TNRC6C: variants seen among roughly 807,000 people sequenced by gnomAD.
The protein encoded by TNRC6C is trinucleotide repeat containing adaptor 6C, also known as trinucleotide repeat-containing gene 6C protein.
Under a neutral mutation model 153.7 loss-of-function variants are expected in TNRC6C, and 20 were observed. The ratio of observed to expected loss-of-function variants is 0.13; its 90% CI spans 0.09 to 0.19. The LOEUF (loss-of-function observed/expected upper bound fraction) is 0.19, where lower values mean the gene tolerates loss of function less well. Among genes scored for constraint, TNRC6C ranks in the 10% least tolerant of loss-of-function variants. The pLI is 1.00. For missense variants in TNRC6C, 1,987 were observed against 2,172.0 expected, an observed-to-expected ratio of 0.91 and a Z score of 1.69; for synonymous variants, 811 against 841.4, an observed-to-expected ratio of 0.96 and a Z score of 0.63.
At chr17:78,039,007 C>T (rs774705778) in intron 2 of TNRC6C, among the ~76,000 whole-genome samples, 4 of 152,038 alleles carry the variant, frequency 2.6e-5, no homozygotes, top group Non-Finnish European at 5.9e-5. Flanking sequence ...GGTAATATGA[C>T]GTAGTACATC....
In TNRC6C at chr17:78,086,965, C is replaced by G. The variant is rs746729729; in HGVS notation, c.3674C>G (p.Ser1225Cys). The change falls in exon 13 of 20, where the codon TCT (serine) becomes TGT (cysteine). Residue 1225 changes from serine (S) to cysteine (C), a missense_variant. This residue lies in a region of TNRC6C where 765 missense variants were observed against 908.6 expected (regional missense o/e 0.84). Transcript: ENST00000301624. ...CCGCCACCGCCCCCGCCGCACCTGT[C>G]TCTGCACCCCTCTGCAGGCAAATCG... The G allele has an allele frequency of 6.8e-6, 11 of 1,613,742 alleles. No individual in the cohort carries two copies. The Middle Eastern group carries it at 4.9e-4, about 73-fold the overall frequency.
rs1176763703 is a variant in TNRC6C at position 78,050,560 on chromosome 17, A to G, written c.1498A>G (p.Ser500Gly). 3.1e-6 allele frequency: 5 copies of G among 1,612,662 alleles called. No homozygotes were observed. In the East Asian group the frequency reaches 8.9e-5, roughly 29 times the overall value. ...GAAGAACGATGGGTCCATCATGAAC[A>G]GTACAAATACCTCTTCAGTATCTGG... The change falls in exon 3 of 20, where the codon AGT becomes GGT. Residue 500 changes from serine (S) to glycine (G), a missense_variant. Ser to Gly is a moderately conservative substitution (Grantham distance 56). Around this residue, in one of 4 missense-constraint regions of TNRC6C, gnomAD observed 1,052 missense variants for 1,017.0 expected, o/e 1.03. Coordinates refer to ENST00000301624, the Ensembl canonical transcript of TNRC6C.
intron 1 of TNRC6C, among the ~76,000 whole-genome samples, chr17:78,007,523 A>T (rs961986871): frequency 1.3e-5 from 2 of 152,232 alleles, no homozygotes; most frequent in Non-Finnish European, 2.9e-5. Context: ...TTATAGTACT[A>T]GTATTAGTGT....
intron 1 of TNRC6C, among the ~76,000 whole-genome samples, chr17:77,973,886 A>G (rs967611167): frequency 1.3e-4 from 20 of 152,328 alleles, no homozygotes; most frequent in African/African-American, 3.6e-4. Context: ...GGAAAACACA[A>G]TATTGTTAAT....
chr17:77,961,174 T>G (rs1327059162), intron 1 of TNRC6C, among the ~76,000 whole-genome samples: 4 of 151,462 alleles, frequency 2.6e-5, no homozygotes, highest in Non-Finnish European at 5.9e-5. Flanking sequence ...TTTTTTTTTT[T>G]GAGACAGTTT....
At chr17:78,106,130 G>C (rs2073689672) in exon 20 of TNRC6C, 1 of 151,888 alleles carries the variant, frequency 6.6e-6, no homozygotes, top group Non-Finnish European at 1.5e-5. Context: ...GGAAGGAACA[G>C]AAACAAGCAC....
chr17:78,076,864 T>G (rs912336450), intron 8 of TNRC6C, among the ~76,000 whole-genome samples: 1 of 152,208 alleles, frequency 6.6e-6, no homozygotes, highest in African/African-American at 2.4e-5. Flanking sequence ...AAAGAATCTG[T>G]TTATTTGAAA....
At chr17:78,045,517 A>G (rs1328760303) in intron 2 of TNRC6C, among the ~76,000 whole-genome samples, 2 of 152,178 alleles carry the variant, frequency 1.3e-5, no homozygotes, top group Non-Finnish European at 2.9e-5. Context: ...TGGTTCCCTC[A>G]GAAGATGGAC....
chr17:77,978,761 C>T lies in TNRC6C; in HGVS notation c.-38+19493C>T, dbSNP rs182183844. On this transcript the variant is annotated intron_variant, in intron 1 of 22. Transcript: ENST00000636222. ...CATCCCAGGCTTTTGGTTGGAACCACCCTTCTTACCCCCTAAAAACCCCAA... is the reference window on the plus strand; with the variant it reads ...CATCCCAGGCTTTTGGTTGGAACCATCCTTCTTACCCCCTAAAAACCCCAA... Among the ~76,000 whole-genome samples the T allele has an allele frequency of 1.3e-3, 198 of 152,262 alleles. 1 individual carries two copies. Among genetic ancestry groups the T allele is most frequent in the African/African-American group, 4.5e-3 (187 of 41,540 alleles).
chr17:78,055,501 G>C (rs967609610), intron 3 of TNRC6C, among the ~76,000 whole-genome samples: 11 of 152,212 alleles, frequency 7.2e-5, no homozygotes, highest in Admixed American at 2.0e-4. Context: ...GCTACATTAT[G>C]ATGGGTATGG....
At chr17:77,958,499 C>A (rs1425826100), upstream of TNRC6C, among the ~76,000 whole-genome samples, 1 of 151,670 alleles carries the variant, frequency 6.6e-6, no homozygotes, top group Admixed American at 6.6e-5. Flanking sequence ...GTGGCCTGGC[C>A]GAGGAGCCAA....
At chr17:77,989,493 T>C (rs988181758) in intron 1 of TNRC6C, among the ~76,000 whole-genome samples, 1 of 152,200 alleles carries the variant, frequency 6.6e-6, no homozygotes, top group Admixed American at 6.5e-5. Flanking sequence ...AATTCATCAT[T>C]TGGGAAATCT....
At chr17:78,077,680 C>G (rs780659436) in intron 9 of TNRC6C, 1 of 248,386 alleles carries the variant, frequency 4.0e-6, no homozygotes, top group Non-Finnish European at 7.7e-6. Flanking sequence ...ACCCTCTTTC[C>G]TCATGGCAAC....
chr17:78,043,504 CA>C, intron 2 of TNRC6C, among the ~76,000 whole-genome samples: 1 of 152,184 alleles, frequency 6.6e-6, no homozygotes, highest in South Asian at 2.1e-4. Context: ...TACAGGCATG[CA>C]ATGTGTAATA....
chr17:78,091,417 C>G (rs1443267786), intron 13 of TNRC6C, 23 bp from the exon 16 acceptor site: 1 of 1,562,894 alleles, frequency 6.4e-7, no homozygotes, highest in Non-Finnish European at 8.7e-7. Context: ...GCAGGCGAAT[C>G]CTAACCGCAT....
At chr17:77,997,083 C>T (rs1337716395) in intron 1 of TNRC6C, among the ~76,000 whole-genome samples, 1 of 152,134 alleles carries the variant, frequency 6.6e-6, no homozygotes, top group Non-Finnish European at 1.5e-5. Context: ...AGTGGCTAGA[C>T]AAGAAGCACC....
At chr17:78,098,498 G>T in exon 17 of TNRC6C, 2 of 1,613,766 alleles carry the variant, frequency 1.2e-6, no homozygotes, top group South Asian at 1.1e-5. Context: ...CTCCACCTGG[G>T]GTGCCAGCCC....
At chr17:78,098,350 G>A (rs983633633) in exon 17 of TNRC6C, 22 of 1,610,956 alleles carry the variant, frequency 1.4e-5, no homozygotes, top group Non-Finnish European at 1.8e-5. Flanking sequence ...TAGGTAAACT[G>A]TCAGACATCA....
chr17:78,026,381 G>T (rs2061267146), intron 1 of TNRC6C, among the ~76,000 whole-genome samples: 1 of 152,202 alleles, frequency 6.6e-6, no homozygotes, highest in African/African-American at 2.4e-5. Context: ...TTAAAGAATA[G>T]CTGGGAATTA....
Sources: gnomAD v4.1 joint callset for allele counts (sites outside exome capture counted in the v4.1 genomes callset) on GRCh38, gnomAD v4.1.1 for gene constraint, gnomAD v4.1.1 regional missense constraint, MANE v1.5 for transcripts, NCBI Gene and HGNC (gene_info 2026-07-23, HGNC 2026-07-21) for gene names.